Variants in DESI1 observed in about 807,000 individuals in gnomAD.
DESI1 encodes PPPDE peptidase domain containing 2.
A neutral mutation model predicts 22.4 loss-of-function variants in DESI1; 17 were observed. The ratio of observed to expected loss-of-function variants is 0.76; its 90% CI spans 0.52 to 1.14. The LOEUF is 1.14. Ranked by LOEUF, DESI1 falls within the 50% of genes most tolerant of loss-of-function variation. The pLI is 0.00. For missense variants in DESI1, 177 were observed against 208.9 expected, an observed-to-expected ratio of 0.85 and a Z score of 0.94; for synonymous variants, 92 against 84.2, an observed-to-expected ratio of 1.09 and a Z score of -0.51.
chr22:41,610,945 A>C (rs2067513611), intron 1 of DESI1, among the ~76,000 whole-genome samples: 1 of 151,918 alleles, frequency 6.6e-6, no homozygotes, highest in Non-Finnish European at 1.5e-5. Context: ...CACCCTAAAG[A>C]ATGTGAGGCA....
Position 41,620,939 on chromosome 22 carries a change from G to A in DESI1, c.-100C>T, listed in dbSNP as rs2067590967. ...GGAGTGCGAAGCGGAGGGAGAGGGG[G>A]GGACCGAGCCCGGGCCCGGGCTGAG... is the stretch of plus-strand genomic sequence containing the variant. On this transcript the variant is annotated 5_prime_UTR_variant, in exon 1 of 6. Transcript: ENST00000263256. 1.4e-5 allele frequency: 19 copies of A among 1,406,614 alleles called. No homozygotes were observed. The highest frequency in any genetic ancestry group is 1.8e-4 in the Middle Eastern group (1 of 5,568). 87.1% of individuals were successfully genotyped at this position (1,406,614 alleles called of 1,614,324 possible). A position where few individuals can be genotyped will look rare whatever the true frequency, so the allele number is the denominator to read the frequency against.
intron 3 of DESI1, among the ~76,000 whole-genome samples, 183 bp downstream of exon 3, chr22:41,607,079 C>G (rs932278714): frequency 6.6e-6 from 1 of 152,158 alleles, no homozygotes; most frequent in Non-Finnish European, 1.5e-5. Context: ...AGGACCCACA[C>G]GTGCCATGGG....
chr22:41,602,292 C>T, intron 5 of DESI1: 1 of 985,430 alleles, frequency 1.0e-6, no homozygotes, highest in Non-Finnish European at 1.2e-6. Flanking sequence ...AAAATAATAA[C>T]AGCAAGCACA....
At chr22:41,603,545 TTAA>T (rs1264863384) in intron 4 of DESI1, among the ~76,000 whole-genome samples, 164 bp from the exon 5 acceptor site, 5 of 152,374 alleles carry the variant, frequency 3.3e-5, no homozygotes, top group African/African-American at 1.2e-4. Flanking sequence ...ATTCTGGCCA[TTAA>T]TAACTGATTT....
At position 41,599,653 on chromosome 22, in the gene DESI1, G is replaced by C. The variant is rs556869631; in HGVS notation, c.*1444C>G. ...CGGCTCATCGCAATCTCTGCCTCCC[G>C]GGTTCAAGCGATTCTCCTGCCTCAG... On this transcript the variant is annotated 3_prime_UTR_variant, in exon 6 of 6. Transcript: ENST00000263256. 7.9e-5 allele frequency: 12 copies of C among 152,028 alleles called. No individual in the cohort carries two copies. Among genetic ancestry groups the C allele is most frequent in the African/African-American group, 2.7e-4 (11 of 41,498 alleles). 9.4% of individuals were successfully genotyped at this position (152,028 alleles called of 1,614,324 possible). A position where few individuals can be genotyped will look rare whatever the true frequency, so the allele number is the denominator to read the frequency against.
chr22:41,615,444 A>G (rs1397015031), intron 1 of DESI1, among the ~76,000 whole-genome samples: 1 of 152,046 alleles, frequency 6.6e-6, no homozygotes, highest in Non-Finnish European at 1.5e-5. Context: ...AGAAAATTTA[A>G]AAAAGCAGAA....
intron 1 of DESI1, among the ~76,000 whole-genome samples, chr22:41,619,107 C>T (rs759417076): frequency 1.3e-5 from 2 of 151,900 alleles, no homozygotes; most frequent in Admixed American, 6.6e-5. Flanking sequence ...CTGATGTAAT[C>T]TATTAATGAG....
At chr22:41,609,931 T>C (rs1428724522) in intron 1 of DESI1, among the ~76,000 whole-genome samples, 1 of 143,896 alleles carries the variant, frequency 6.9e-6, no homozygotes, top group Non-Finnish European at 1.5e-5. Context: ...AAACACAAAA[T>C]TAGCCGGGCA....
At chr22:41,606,553 C>T (rs1275069338) in intron 3 of DESI1, among the ~76,000 whole-genome samples, 1 of 151,880 alleles carries the variant, frequency 6.6e-6, no homozygotes, top group East Asian at 1.9e-4. Flanking sequence ...GTGGGCTAAT[C>T]ACGAGGTCAG....
chr22:41,599,041 A>G lies in DESI1; in HGVS notation c.*2056T>C, dbSNP rs1345217977. The stretch of plus-strand genomic sequence containing the variant: ...CCTGGTCAGGTCGCAGGCAAACACT[A>G]AGGCAGAATGACAGCTCCTCTAGCT... On this transcript the variant is annotated 3_prime_UTR_variant, in exon 6 of 6. Transcript: ENST00000263256. The G allele has an allele frequency of 6.6e-6, 1 of 152,218 alleles. No homozygotes were observed. Among genetic ancestry groups the G allele is most frequent in the African/African-American group, 2.4e-5 (1 of 41,440 alleles). The allele number at this position is 152,218 out of a possible 1,614,324, so 9.4% of individuals were successfully genotyped here.
intron 5 of DESI1, chr22:41,602,606 G>A (rs1217869109): frequency 3.2e-5 from 32 of 986,516 alleles, no homozygotes; most frequent in Non-Finnish European, 3.7e-5. Flanking sequence ...AATGAGCAGA[G>A]GCTGCCTGAA....
rs2067592380 is a variant in DESI1 at position 41,620,979 on chromosome 22, C to A, written c.-140G>T. 3 of 861,246 alleles carry A rather than the reference C, an allele frequency of 3.5e-6. No individual in the cohort carries two copies. Among genetic ancestry groups the A allele is most frequent in the Non-Finnish European group, 5.3e-6 (3 of 565,534 alleles). The allele number at this position is 861,246 out of a possible 1,614,324, so 53.4% of individuals were successfully genotyped here. A position where few individuals can be genotyped will look rare whatever the true frequency, so the allele number is the denominator to read the frequency against. ...CCCGGGCTGAGGGGTGGGGGAGAGG[C>A]CGCCCTGCGCTGCTCGCGCCCCCAC... On this transcript the variant is annotated 5_prime_UTR_variant, in exon 1 of 6. Coordinates refer to ENST00000263256, the MANE Select transcript of DESI1 (RefSeq NM_015704.3).
chr22:41,613,118 C>T (rs114482931), intron 1 of DESI1, among the ~76,000 whole-genome samples: 1 of 152,196 alleles, frequency 6.6e-6, no homozygotes, highest in Non-Finnish European at 1.5e-5. Flanking sequence ...TGCACAAATT[C>T]AGTCCCTCAG....
intron 1 of DESI1, among the ~76,000 whole-genome samples, chr22:41,609,051 C>T (rs1375865691): frequency 6.6e-6 from 1 of 152,186 alleles, no homozygotes; most frequent in Non-Finnish European, 1.5e-5. Context: ...AAGTGATTCT[C>T]ATGCCTCAGC....
intron 1 of DESI1, among the ~76,000 whole-genome samples, chr22:41,612,449 G>A (rs1454035899): frequency 6.7e-6 from 1 of 150,018 alleles, no homozygotes; most frequent in South Asian, 2.1e-4. Flanking sequence ...GTGTTGCAGT[G>A]AGCTGCGATT....
At chr22:41,603,494 T>G in intron 4 of DESI1, 113 bp from the exon 5 acceptor site, 1 of 1,501,890 alleles carries the variant, frequency 6.7e-7, no homozygotes, top group Non-Finnish European at 9.1e-7. Context: ...GGATTGCGAT[T>G]TCCCCCGTCT....
intron 1 of DESI1, 71 bp downstream of exon 1, chr22:41,620,681 C>G: frequency 6.8e-7 from 1 of 1,463,332 alleles, no homozygotes; most frequent in Non-Finnish European, 9.3e-7. Context: ...CCCAAGTCTC[C>G]CCACCTCGGC....
In DESI1 at chr22:41,600,406, G is replaced by A. The variant is rs976862842; in HGVS notation, c.*691C>T. The A allele has an allele frequency of 1.3e-5, 2 of 152,398 alleles. No individual in the cohort carries two copies. Among genetic ancestry groups the A allele is most frequent in the Non-Finnish European group, 2.9e-5 (2 of 68,204 alleles). The allele number at this position is 152,398 out of a possible 1,614,324, so 9.4% of individuals were successfully genotyped here. A position where few individuals can be genotyped will look rare whatever the true frequency, so the allele number is the denominator to read the frequency against. On this transcript the variant is annotated 3_prime_UTR_variant, in exon 6 of 6. Coordinates refer to ENST00000263256, the MANE Select transcript of DESI1 (RefSeq NM_015704.3). ...GGAAAGGCAGCCTCGGGGGCACAAA[G>A]GCAGGTTTCCCAAAATTGATGGCAG...
chr22:41,609,958 T>C (rs1261840571), intron 1 of DESI1, among the ~76,000 whole-genome samples: 2 of 150,090 alleles, frequency 1.3e-5, no homozygotes, highest in Non-Finnish European at 2.9e-5. Context: ...TGCATGCCTA[T>C]AGTCCCAGCT....
Sources: allele counts gnomAD v4.1 joint callset (sites outside exome capture counted in the v4.1 genomes callset), GRCh38; gene constraint gnomAD v4.1.1; transcripts MANE v1.5; gene names NCBI Gene and HGNC (gene_info 2026-07-23, HGNC 2026-07-21).